C12orf42: variants seen among roughly 807,000 people sequenced by gnomAD.
The protein encoded by C12orf42 is chromosome 12 open reading frame 42.
Under a neutral mutation model 21.6 loss-of-function variants are expected in C12orf42, and 25 were observed. The ratio of observed to expected loss-of-function variants is 1.16; its 90% CI spans 0.84 to 1.62. The LOEUF (loss-of-function observed/expected upper bound fraction) is 1.62. Among genes scored for constraint, C12orf42 ranks in the 40% most tolerant of loss-of-function variants. C12orf42 has a pLI of 0.00. For missense variants in C12orf42, 483 were observed against 459.3 expected, an observed-to-expected ratio of 1.05 and a Z score of -0.47; for synonymous variants, 174 against 175.0, an observed-to-expected ratio of 0.99 and a Z score of 0.05.
At chr12:103,217,192 A>G in the C12orf42 span, among the ~76,000 whole-genome samples, 2 of 152,174 alleles carry the variant, frequency 1.3e-5, no homozygotes, top group Non-Finnish European at 2.9e-5. Context: ...CTGGTCCAGA[A>G]CACATTGAAG....
the C12orf42 span, among the ~76,000 whole-genome samples, chr12:103,142,422 C>T: frequency 1.3e-5 from 2 of 152,176 alleles, no homozygotes; most frequent in East Asian, 1.9e-4. Flanking sequence ...TTTCAGGGTG[C>T]TAATTTGGAA....
At chr12:103,535,125 G>A in the C12orf42 span, among the ~76,000 whole-genome samples, 1 of 152,158 alleles carries the variant, frequency 6.6e-6, no homozygotes, top group African/African-American at 2.4e-5. Flanking sequence ...GAATGTGAGA[G>A]ACTATGGCAG....
chr12:103,342,310 A>G (rs1012245422), intron 4 of C12orf42, among the ~76,000 whole-genome samples: 2 of 152,130 alleles, frequency 1.3e-5, no homozygotes, highest in African/African-American at 4.8e-5. Context: ...CTTTTACACC[A>G]TCTAGTCTGG....
the C12orf42 span, among the ~76,000 whole-genome samples, chr12:103,187,520 G>A: frequency 1.3e-5 from 2 of 152,160 alleles, no homozygotes; most frequent in East Asian, 3.8e-4. Context: ...ACATGATCAT[G>A]GCAAGTAAAG....
intron 3 of C12orf42, among the ~76,000 whole-genome samples, chr12:103,395,374 C>T (rs1247936655): frequency 2.1e-5 from 3 of 145,680 alleles, no homozygotes; most frequent in Non-Finnish European, 3.0e-5. Flanking sequence ...CTCACTCTGT[C>T]GCCCAGGCTG....
the C12orf42 span, among the ~76,000 whole-genome samples, chr12:103,069,971 T>A: frequency 6.6e-6 from 1 of 152,172 alleles, no homozygotes; most frequent in African/African-American, 2.4e-5. Flanking sequence ...CTGATTCACC[T>A]CCCTGATCCT....
At chr12:103,169,663 G>C in the C12orf42 span, among the ~76,000 whole-genome samples, 2 of 152,144 alleles carry the variant, frequency 1.3e-5, no homozygotes. Context: ...CAGTGTTATA[G>C]TGGGCAAAAT....
At chr12:103,443,177 T>C (rs1951364498) in intron 2 of C12orf42, among the ~76,000 whole-genome samples, 3 of 152,156 alleles carry the variant, frequency 2.0e-5, no homozygotes, top group Non-Finnish European at 4.4e-5. Context: ...TTGCTGAATA[T>C]TTTGTCAAGA....
chr12:103,195,455 T>G, the C12orf42 span, among the ~76,000 whole-genome samples: 1 of 152,148 alleles, frequency 6.6e-6, no homozygotes, highest in African/African-American at 2.4e-5. Context: ...TGCCAGCATC[T>G]GTTATTTTTT....
chr12:103,306,267 G>A lies in C12orf42; in HGVS notation c.338C>T (p.Ser113Phe). The change falls in exon 5 of 6, where the codon TCT (serine) becomes TTT (phenylalanine). Residue 113 changes from serine (S) to phenylalanine (F), a missense_variant. Ser to Phe is a radical substitution (Grantham distance 155). Transcript: ENST00000548883. Reference protein sequence around the residue: ...HTCQYIVPRCSVSTVSFDEES... With the variant: ...HTCQYIVPRCFVSTVSFDEES... ...TTCATCAAAAGAAACTGTGCTTACA[G>A]AACACCTGGGGACTATGTACTGGCA... 6.2e-7 allele frequency: 1 copy of A among 1,613,774 alleles called. No homozygotes were observed. Among genetic ancestry groups the A allele is most frequent in the Non-Finnish European group, 8.5e-7 (1 of 1,179,812 alleles).
In C12orf42 at chr12:103,425,328, G is replaced by C. The variant is rs548403688; in HGVS notation, c.79-23653C>G. Among the ~76,000 whole-genome samples, 573 of 152,322 alleles carry C rather than the reference G, an allele frequency of 3.8e-3. 2 individuals carry two copies. The highest frequency in any genetic ancestry group is 6.3e-3 in the Non-Finnish European group (431 of 68,032). The stretch of plus-strand genomic sequence containing the variant: ...CAGCGGATCTCCCAGCACAGTGCTT[G>C]AGCTCTGCTAAGGGACAGACTGCCT... On this transcript the variant is annotated intron_variant, in intron 2 of 5. Transcript: ENST00000548883.
At chr12:103,115,757 C>G in the C12orf42 span, among the ~76,000 whole-genome samples, 12 of 152,298 alleles carry the variant, frequency 7.9e-5, no homozygotes, top group African/African-American at 2.9e-4. Flanking sequence ...AGGGACTTCT[C>G]CCAGTTCTAC....
intron 4 of C12orf42, among the ~76,000 whole-genome samples, chr12:103,359,446 G>A (rs2043887078): frequency 1.3e-5 from 2 of 152,008 alleles, no homozygotes; most frequent in Non-Finnish European, 2.9e-5. Context: ...TAAACAAACT[G>A]TAGTGAATTC....
the C12orf42 span, among the ~76,000 whole-genome samples, chr12:103,090,593 T>C: frequency 6.6e-6 from 1 of 152,178 alleles, no homozygotes; most frequent in Non-Finnish European, 1.5e-5. Flanking sequence ...TAAATAATGA[T>C]CTCCAATATC....
At chr12:103,099,829 C>G in the C12orf42 span, among the ~76,000 whole-genome samples, 6 of 152,092 alleles carry the variant, frequency 3.9e-5, no homozygotes, top group African/African-American at 1.4e-4. Flanking sequence ...GTTTTATAGA[C>G]AACTTTCATT....
chr12:103,478,237 T>C, intron 2 of C12orf42, 112 bp downstream of exon 2: 1 of 668,182 alleles, frequency 1.5e-6, no homozygotes, highest in South Asian at 2.0e-5. Flanking sequence ...AAGAGGATTA[T>C]CTAAAATATA....
chr12:103,064,550 A>G, the C12orf42 span, among the ~76,000 whole-genome samples: 1 of 152,258 alleles, frequency 6.6e-6, no homozygotes, highest in Non-Finnish European at 1.5e-5. Context: ...TTTGAATTAT[A>G]AAAACAGAAA....
At position 103,489,122 on chromosome 12, in the gene C12orf42, T is replaced by C. The variant is rs937721573; in HGVS notation, c.-22+6780A>G. Among the ~76,000 whole-genome samples the C allele has an allele frequency of 2.0e-5, 3 of 152,370 alleles. No individual in the cohort carries two copies. The East Asian group carries it at 5.8e-4, about 29-fold the overall frequency. Reference sequence around the variant, plus strand: ...GTCTTTGATGTTGGTGTCCTACAGATGGGCTTTTGGTGTAGATGTCCTTTT... The same window carrying C: ...GTCTTTGATGTTGGTGTCCTACAGACGGGCTTTTGGTGTAGATGTCCTTTT... On this transcript the variant is annotated intron_variant, in intron 1 of 5. Transcript: ENST00000548883.
intron 2 of C12orf42, among the ~76,000 whole-genome samples, chr12:103,470,675 T>C (rs930325326): frequency 6.6e-6 from 1 of 152,180 alleles, no homozygotes; most frequent in Non-Finnish European, 1.5e-5. Context: ...AGGCAATGCA[T>C]CTTCCTCCTT....
Sources: allele counts gnomAD v4.1 joint callset (sites outside exome capture counted in the v4.1 genomes callset), GRCh38; gene constraint gnomAD v4.1.1; transcripts MANE v1.5; gene names NCBI Gene and HGNC (gene_info 2026-07-23, HGNC 2026-07-21).